GNG2: variants seen among roughly 807,000 people sequenced by gnomAD.
GNG2 encodes the protein G protein subunit gamma 2.
A neutral mutation model predicts 5.5 loss-of-function variants in GNG2; 5 were observed. The ratio of observed to expected loss-of-function variants is 0.91; its 90% CI spans 0.48 to 1.92. The LOEUF (loss-of-function observed/expected upper bound fraction) is 1.92. Ranked by LOEUF, GNG2 falls within the 30% of genes most tolerant of loss-of-function variation. The pLI is 0.01. For missense variants in GNG2, 55 were observed against 88.4 expected (o/e 0.62, Z 1.52); for synonymous variants, 28 against 32.0 (o/e 0.88, Z 0.42).
chr14:51,843,145 C>T (rs1044695543), intron 2 of GNG2, among the ~76,000 whole-genome samples: 11 of 152,136 alleles, frequency 7.2e-5, no homozygotes, highest in Admixed American at 3.9e-4. Flanking sequence ...CTCTCCTTTC[C>T]GTAAATCATA....
intron 2 of GNG2, among the ~76,000 whole-genome samples, chr14:51,924,075 T>C (rs1887175275): frequency 6.6e-6 from 1 of 152,238 alleles, no homozygotes; most frequent in Non-Finnish European, 1.5e-5. Context: ...TGGTCATTCA[T>C]ACCTTATAAA....
chr14:51,917,615 A>T, intron 2 of GNG2: 1 of 289,660 alleles, frequency 3.5e-6, no homozygotes, highest in South Asian at 3.1e-5. Flanking sequence ...GTTCCCTGAA[A>T]GTAAAAATCA....
At chr14:51,858,176 C>A (rs1594842567), upstream of GNG2, among the ~76,000 whole-genome samples, 1 of 151,130 alleles carries the variant, frequency 6.6e-6, no homozygotes, top group African/African-American at 2.4e-5. Flanking sequence ...ACTTGGTATG[C>A]AAACTTGTGT....
At chr14:51,947,712 C>T (rs552455505) in intron 2 of GNG2, among the ~76,000 whole-genome samples, 1 of 152,278 alleles carries the variant, frequency 6.6e-6, no homozygotes, top group East Asian at 1.9e-4. Context: ...TAATATATTA[C>T]AGCAGCAATA....
intron 2 of GNG2, among the ~76,000 whole-genome samples, chr14:51,898,766 G>C (rs542680111): frequency 9.6e-4 from 146 of 152,282 alleles, no homozygotes; most frequent in African/African-American, 3.2e-3. Flanking sequence ...CCGGCCAACT[G>C]CTCCTGGAAC....
At chr14:51,865,992 C>T (rs1238262404) in intron 1 of GNG2, among the ~76,000 whole-genome samples, 2 of 151,554 alleles carry the variant, frequency 1.3e-5, no homozygotes, top group Non-Finnish European at 2.9e-5. Flanking sequence ...TTAGTGATAA[C>T]ATGTTTCTTA....
At chr14:51,929,967 C>T (rs546071706) in intron 2 of GNG2, among the ~76,000 whole-genome samples, 8 of 152,248 alleles carry the variant, frequency 5.3e-5, no homozygotes, top group South Asian at 2.1e-4. Flanking sequence ...TTAAGTTCAC[C>T]GGTAATAAAA....
At chr14:51,899,566 G>A (rs374010160) in intron 2 of GNG2, among the ~76,000 whole-genome samples, 16 of 152,120 alleles carry the variant, frequency 1.1e-4, no homozygotes, top group South Asian at 2.1e-4. Flanking sequence ...AGAGCTCTTC[G>A]TCTGGCAACA....
intron 2 of GNG2, chr14:51,939,871 T>C (rs1474620023): frequency 6.6e-6 from 1 of 152,190 alleles, no homozygotes; most frequent in Non-Finnish European, 1.5e-5. Flanking sequence ...AAATGTGAAT[T>C]GAGAAGAACT....
At chr14:51,954,186 T>C (rs1889143361) in intron 3 of GNG2, among the ~76,000 whole-genome samples, 1 of 152,184 alleles carries the variant, frequency 6.6e-6, no homozygotes. Flanking sequence ...CCCTGGGAGA[T>C]TTGGGCTAAG....
intron 2 of GNG2, among the ~76,000 whole-genome samples, chr14:51,835,478 C>A (rs1433368941): frequency 6.6e-6 from 1 of 152,188 alleles, no homozygotes; most frequent in African/African-American, 2.4e-5. Flanking sequence ...TCCCCAGTTG[C>A]CTCTCCCCAC....
At chr14:51,966,044 A>G (rs78817747) in intron 3 of GNG2, among the ~76,000 whole-genome samples, 3,354 of 151,680 alleles carry the variant, frequency 0.022, 128 homozygotes, top group African/African-American at 0.076. Flanking sequence ...CCCTGTCTCT[A>G]CCAAAAGTAC....
rs1035649292 is a variant in GNG2 at position 51,877,164 on chromosome 14, A to G, written c.-70-453A>G. 3.3e-5 allele frequency among the ~76,000 whole-genome samples: 5 copies of G among 152,310 alleles called. 1 individual carries two copies. The South Asian group carries it at 1.0e-3, about 32-fold the overall frequency. The stretch of plus-strand genomic sequence containing the variant: ...CCCTCCTAAAGGGCCAGATACACAC[A>G]AACTGTATGCACTCAAACTCTGTCC... On this transcript the variant is annotated intron_variant, in intron 1 of 3. Coordinates refer to ENST00000556766, the MANE Select transcript of GNG2 (RefSeq NM_053064.5).
Position 51,905,366 on chromosome 14 carries a change from A to G in GNG2, c.-30+27709A>G, listed in dbSNP as rs911174433. ...AGGGGGTTTATATTTTCTGTTTACC[A>G]TATAAACGAAAACTACAGTAGATAA... On this transcript the variant is annotated intron_variant, in intron 2 of 3. Transcript: ENST00000556766. Among the ~76,000 whole-genome samples the G allele has an allele frequency of 9.2e-5, 14 of 152,214 alleles. No homozygotes were observed. In the South Asian group the frequency reaches 1.0e-3, roughly 11 times the overall value.
upstream of GNG2, among the ~76,000 whole-genome samples, chr14:51,858,090 A>G (rs1278608204): frequency 6.6e-6 from 1 of 152,244 alleles, no homozygotes; most frequent in Non-Finnish European, 1.5e-5. Flanking sequence ...GTACTGGGAT[A>G]GGCTCATGGT....
exon 2 of GNG2, chr14:51,827,738 A>G: frequency 1.4e-6 from 1 of 701,980 alleles, no homozygotes; most frequent in South Asian, 1.5e-5. Context: ...CCTCTGGTCT[A>G]GGGGCATGCA....
intron 2 of GNG2, among the ~76,000 whole-genome samples, chr14:51,898,628 A>T (rs1041002499): frequency 6.6e-6 from 1 of 152,232 alleles, no homozygotes; most frequent in Non-Finnish European, 1.5e-5. Flanking sequence ...TGTCTGAATT[A>T]AAAATAACTA....
intron 2 of GNG2, among the ~76,000 whole-genome samples, chr14:51,897,936 T>C (rs1441379931): frequency 6.6e-6 from 1 of 152,208 alleles, no homozygotes; most frequent in East Asian, 1.9e-4. Context: ...GGAGGCCTGC[T>C]AGTATGAAAG....
chr14:51,911,633 T>TGTTAG (rs1349991561), intron 2 of GNG2, among the ~76,000 whole-genome samples: 1 of 150,852 alleles, frequency 6.6e-6, no homozygotes, highest in Non-Finnish European at 1.5e-5. Context: ...AACCTCTAAC[T>TGTTAG]CTTGGGCTCA....
Sources: allele counts gnomAD v4.1 joint callset (sites outside exome capture counted in the v4.1 genomes callset), GRCh38; gene constraint gnomAD v4.1.1; transcripts MANE v1.5; gene names NCBI Gene and HGNC (gene_info 2026-07-23, HGNC 2026-07-21).